Variants in PHLDB1 observed in about 807,000 individuals in gnomAD.
The protein encoded by PHLDB1 is pleckstrin homology like domain family B member 1.
PHLDB1 carries 65 observed loss-of-function variants against 139.3 expected under a neutral mutation model. The observed-to-expected ratio is 0.47, with a 90% CI of 0.38 to 0.57. The LOEUF is 0.57. PHLDB1 is among the 20% of genes least tolerant of loss of function. The pLI, the probability that PHLDB1 is intolerant of heterozygous loss-of-function variation, is 0.00. For synonymous variants in PHLDB1, 679 were observed against 734.5 expected (o/e 0.92, Z 1.22); for missense variants, 1,624 against 1,839.7 (o/e 0.88, Z 2.14).
rs1555141293 is a variant in PHLDB1, at chr11:118,655,704, G to A, written c.3960+14G>A. 6.3e-7 allele frequency: 1 copy of A among 1,596,940 alleles called. No homozygotes were observed. The highest frequency in any genetic ancestry group is 1.1e-5 in the South Asian group (1 of 90,752). The stretch of plus-strand genomic sequence containing the variant: ...AGTGCAGCCAAGGTCAGGGGTGGAG[G>A]GCACCAGAGGGGGGCCAGAGGGACA... On this transcript the variant is annotated intron_variant, in intron 21 of 22. Transcript: ENST00000600882.
Position 118,632,770 on chromosome 11 carries a change from C to A in PHLDB1, c.2379+474C>A. The A allele has an allele frequency of 1.5e-6, 1 of 648,002 alleles. No homozygotes were observed. The highest frequency in any genetic ancestry group is 1.9e-6 in the Non-Finnish European group (1 of 517,812). The allele number at this position is 648,002 out of a possible 1,614,324, so 40.1% of individuals were successfully genotyped here. ...GCCTTCAGGATCTGCAGCCTCCCAT[C>A]CCAGGTGATCCTAGCTCCTGCCCCT... On this transcript the variant is annotated intron_variant, in intron 9 of 22. Coordinates refer to ENST00000600882, the MANE Select transcript of PHLDB1 (RefSeq NM_001144758.3). The surrounding 1 kb of genome is among the most constrained non-coding windows in gnomAD (Gnocchi z 5.9).
chr11:118,638,765 A>T, intron 10 of PHLDB1, 126 bp from the exon 11 acceptor site: 1 of 703,722 alleles, frequency 1.4e-6, no homozygotes, highest in Non-Finnish European at 2.4e-6. Context: ...AGTTGAGGCC[A>T]AGCAGAAGAG....
chr11:118,641,515 T>C (rs1946512719), intron 12 of PHLDB1: 1 of 665,288 alleles, frequency 1.5e-6, no homozygotes, highest in Non-Finnish European at 2.1e-6. Context: ...CTCTGTACTT[T>C]CTGCCCTTTC....
At position 118,611,182 on chromosome 11, in the gene PHLDB1, C is replaced by T. The variant is rs1363708149; in HGVS notation, c.-21-2634C>T. 1.3e-5 allele frequency among the ~76,000 whole-genome samples: 2 copies of T among 152,212 alleles called. No individual in the cohort carries two copies. Among genetic ancestry groups the T allele is most frequent in the Admixed American group, 6.5e-5 (1 of 15,282 alleles). ...TGGCCGCTCTCGGCCGCGGCGATCG[C>T]CCTTTGGGAAAGCACCGCCTGAGTG... On this transcript the variant is annotated intron_variant, in intron 1 of 22. Transcript: ENST00000600882. The surrounding 1 kb of genome is among the most constrained non-coding windows in gnomAD (Gnocchi z 4.7).
At chr11:118,643,653 G>A (rs1026974180) in intron 13 of PHLDB1, 147 bp from the exon 14 acceptor site, 3 of 1,534,612 alleles carry the variant, frequency 2.0e-6, no homozygotes, top group Non-Finnish European at 2.6e-6. Context: ...TGGCCATTGG[G>A]CTGGCTCAGG....
Position 118,632,903 on chromosome 11 carries a change from A to AT in PHLDB1, c.2379+612dup. The AT allele has an allele frequency of 1.1e-6, 1 of 912,832 alleles. No individual in the cohort carries two copies. Among genetic ancestry groups the AT allele is most frequent in the African/African-American group, 1.8e-5 (1 of 55,480 alleles). The allele number at this position is 912,832 out of a possible 1,614,324, so 56.5% of individuals were successfully genotyped here. Reference sequence around the variant, plus strand: ...GTCATCTATTTCTGGATCTGACAGTATTTTTCCAATAATTTAATTTTCCTT... The same window carrying AT: ...GTCATCTATTTCTGGATCTGACAGTATTTTTTCCAATAATTTAATTTTCCTT... On this transcript the variant is annotated intron_variant, in intron 9 of 22. Coordinates refer to ENST00000600882, the MANE Select transcript of PHLDB1 (RefSeq NM_001144758.3). The surrounding 1 kb of genome is among the most constrained non-coding windows in gnomAD (Gnocchi z 5.9).
At chr11:118,638,367 C>T (rs1945986561) in intron 10 of PHLDB1, among the ~76,000 whole-genome samples, 1 of 152,150 alleles carries the variant, frequency 6.6e-6, no homozygotes, top group Admixed American at 6.5e-5. Flanking sequence ...AAAAATTATT[C>T]AAGTAATATT....
At position 118,645,047 on chromosome 11, in the gene PHLDB1, A is replaced by G; in HGVS notation, c.3122-309A>G. The G allele has an allele frequency of 2.7e-6, 1 of 366,572 alleles. No homozygotes were observed. Among genetic ancestry groups the G allele is most frequent in the Non-Finnish European group, 4.9e-6 (1 of 204,354 alleles). 22.7% of individuals were successfully genotyped at this position (366,572 alleles called of 1,614,324 possible). A position where few individuals can be genotyped will look rare whatever the true frequency, so the allele number is the denominator to read the frequency against. On this transcript the variant is annotated intron_variant, in intron 15 of 22. Transcript: ENST00000600882. The surrounding 1 kb of genome is among the most constrained non-coding windows in gnomAD (Gnocchi z 5.1). ...TAGACCTACTTAGGCCTTGGTTGTGAGCTGGAGCCAACTGGCTGTCGTGCT... is the reference window on the plus strand; with the variant it reads ...TAGACCTACTTAGGCCTTGGTTGTGGGCTGGAGCCAACTGGCTGTCGTGCT...
chr11:118,613,266 TGA>T (rs1209427282), intron 1 of PHLDB1: 6 of 983,888 alleles, frequency 6.1e-6, no homozygotes, highest in Non-Finnish European at 6.0e-6. Context: ...CAGGAATGGC[TGA>T]GTTTTTCTTT....
chr11:118,631,921 T>C lies in PHLDB1; in HGVS notation c.2109T>C (p.Asp703=), dbSNP rs782547377. 1.9e-6 allele frequency: 3 copies of C among 1,610,424 alleles called. No individual in the cohort carries two copies. The African/African-American group carries it at 4.0e-5, about 22-fold the overall frequency. Residue 703 remains aspartate (D), a synonymous_variant, in exon 8 of 23, where the codon GAT becomes GAC. Coordinates refer to ENST00000600882, the MANE Select transcript of PHLDB1 (RefSeq NM_001144758.3). ...GCTTCCCTCCCCTCCAGCACGAAGA[T>C]GCACCTAGCACCAAGCTCCAGGGAG... The part of the protein sequence containing the change: ...STESTQQEHE[D]APSTKLQGEV...
chr11:118,616,377 C>T (rs1941639791), intron 4 of PHLDB1, among the ~76,000 whole-genome samples, 166 bp downstream of exon 4: 1 of 152,174 alleles, frequency 6.6e-6, no homozygotes, highest in Admixed American at 6.5e-5. Flanking sequence ...CATCCCAAAC[C>T]CTTTCAGCAT....
At chr11:118,623,791 A>G (rs1397817297) in intron 4 of PHLDB1, among the ~76,000 whole-genome samples, 1 of 151,256 alleles carries the variant, frequency 6.6e-6, no homozygotes, top group Admixed American at 6.6e-5. Flanking sequence ...TGACTCTTCT[A>G]CCCTTCTACC....
intron 5 of PHLDB1, among the ~76,000 whole-genome samples, 197 bp downstream of exon 5, chr11:118,625,256 T>C (rs1943657345): frequency 6.6e-6 from 1 of 152,180 alleles, no homozygotes; most frequent in Admixed American, 6.5e-5. Flanking sequence ...GCTGCTTAGC[T>C]AAAATTGGGA....
Position 118,631,366 on chromosome 11 carries a change from C to A in PHLDB1, c.1987C>A (p.Arg663=), listed in dbSNP as rs782435775. ...PSRGLAGASG[R]SSEEPGVATQ... is the part of the protein sequence containing the mutation. ...ACGAGGCCTTGCAGGGGCCTCTGGG[C>A]GGAGCAGCGAGGAGCCTGGCGTTGC... The change falls in exon 7 of 23, where the codon CGG becomes AGG. Residue 663 remains arginine (R), a synonymous_variant. Coordinates refer to ENST00000600882, the MANE Select transcript of PHLDB1 (RefSeq NM_001144758.3). The A allele has an allele frequency of 4.1e-5, 63 of 1,528,080 alleles. No homozygotes were observed. Among genetic ancestry groups the A allele is most frequent in the Non-Finnish European group, 5.3e-5 (60 of 1,139,222 alleles). 94.7% of individuals were successfully genotyped at this position (1,528,080 alleles called of 1,614,324 possible). A position where few individuals can be genotyped will look rare whatever the true frequency, so the allele number is the denominator to read the frequency against.
chr11:118,629,564 A>G (rs1329795997), intron 6 of PHLDB1, among the ~76,000 whole-genome samples: 3 of 152,242 alleles, frequency 2.0e-5, no homozygotes, highest in East Asian at 3.9e-4. Context: ...GAAGAGAACC[A>G]GAACTGATGA....
At chr11:118,627,134 T>A (rs985298827) in intron 5 of PHLDB1, 171 bp from the exon 6 acceptor site, 5 of 631,642 alleles carry the variant, frequency 7.9e-6, no homozygotes, top group Admixed American at 6.0e-5. Flanking sequence ...GTGACTTGGC[T>A]AAGGTTGCAT....
At chr11:118,614,075 C>T (rs1177766690) in intron 2 of PHLDB1, among the ~76,000 whole-genome samples, 179 bp downstream of exon 2, 1 of 152,106 alleles carries the variant, frequency 6.6e-6, no homozygotes, top group Non-Finnish European at 1.5e-5. Context: ...ATTGGTTCAC[C>T]CAGAAACTAC....
chr11:118,635,343 A>G, intron 9 of PHLDB1, 50 bp from the exon 10 acceptor site: 1 of 1,524,118 alleles, frequency 6.6e-7, no homozygotes, highest in Non-Finnish European at 8.8e-7. Context: ...TTCCAGGCCC[A>G]GAGTGGCATT....
At chr11:118,635,206 C>G in intron 9 of PHLDB1, 187 bp from the exon 10 acceptor site, 2 of 684,472 alleles carry the variant, frequency 2.9e-6, no homozygotes, top group Non-Finnish European at 5.1e-6. Context: ...GTTGGGGAAT[C>G]AGCGCTCCAG....
Sources: allele counts gnomAD v4.1 joint callset (sites outside exome capture counted in the v4.1 genomes callset), GRCh38; gene constraint gnomAD v4.1.1; non-coding constraint Gnocchi (gnomAD v3.1); transcripts MANE v1.5; gene names NCBI Gene and HGNC (gene_info 2026-07-23, HGNC 2026-07-21).